The following JAKMIP1 variants were observed in gnomAD, a reference collection of about 807,000 sequenced individuals.
JAKMIP1 encodes janus kinase and microtubule interacting protein 1, also known as janus kinase and microtubule-interacting protein 1.
Under a neutral mutation model 113.0 loss-of-function variants are expected in JAKMIP1, and 33 were observed. The ratio of observed to expected loss-of-function variants is 0.29; its 90% CI spans 0.22 to 0.39. The LOEUF is 0.39. JAKMIP1 is among the 10% of genes least tolerant of loss of function. JAKMIP1 has a pLI of 1.00. For synonymous variants in JAKMIP1, 480 were observed against 459.9 expected (o/e 1.04, Z -0.56); for missense variants, 813 against 1,080.5 (o/e 0.75, Z 3.47).
At chr4:6,191,596 C>G (rs891194123) in intron 1 of JAKMIP1, among the ~76,000 whole-genome samples, 1 of 152,180 alleles carries the variant, frequency 6.6e-6, no homozygotes, top group Non-Finnish European at 1.5e-5. Flanking sequence ...ATTTCATTAA[C>G]TTGCCTGAGG....
chr4:6,192,529 TA>T lies in JAKMIP1; in HGVS notation c.-148+7723del, dbSNP rs1727389992. On this transcript the variant is annotated intron_variant, in intron 1 of 20. Coordinates refer to ENST00000409021, the MANE Select transcript of JAKMIP1 (RefSeq NM_001099433.2). This position sits in a 1 kb window ranked among gnomAD's most constrained non-coding sequence, Gnocchi z 5.0. ...TACATCCAAAACCAACCCCAAGAGA[TA>T]GGGACATTCTCTTTATTTCACAAAA... 6.6e-6 allele frequency among the ~76,000 whole-genome samples: 1 copy of T among 152,018 alleles called. No homozygotes were observed. Among genetic ancestry groups the T allele is most frequent in the Non-Finnish European group, 1.5e-5 (1 of 68,006 alleles).
In JAKMIP1 at chr4:6,093,080, ACCTTTGCCAGTGTTT is replaced by A. The variant is rs1371984174; in HGVS notation, c.625-7466_625-7452del. Among the ~76,000 whole-genome samples, 2 of 152,110 alleles carry A rather than the reference ACCTTTGCCAGTGTTT, an allele frequency of 1.3e-5. No homozygotes were observed. Among genetic ancestry groups the A allele is most frequent in the Non-Finnish European group, 2.9e-5 (2 of 68,022 alleles). ...TCACATCATGCCCCATTACTTCCAA[ACCTTTGCCAGTGTTT>A]CTCCCTCTGCATAGGATCACCTAAC... On this transcript the variant is annotated intron_variant, in intron 3 of 20. Transcript: ENST00000409021. The surrounding 1 kb of genome is among the most constrained non-coding windows in gnomAD (Gnocchi z 4.6).
chr4:6,131,066 G>GT (rs1212117456), intron 1 of JAKMIP1, among the ~76,000 whole-genome samples: 2 of 149,046 alleles, frequency 1.3e-5, no homozygotes, highest in East Asian at 4.0e-4. Context: ...CTCAGCTGAA[G>GT]TGGGAGGATC....
Position 6,165,569 on chromosome 4 carries a change from G to A in JAKMIP1, c.-148+34684C>T, listed in dbSNP as rs141796714. On this transcript the variant is annotated intron_variant, in intron 1 of 20. Coordinates refer to ENST00000409021, the MANE Select transcript of JAKMIP1 (RefSeq NM_001099433.2). ...TGCCACTTCAGCCTCCCAAAGTGCT[G>A]GGATTACAGGCATGAGCCATCGCGC... 2.6e-3 allele frequency among the ~76,000 whole-genome samples: 400 copies of A among 152,310 alleles called. 2 individuals carry two copies. Among genetic ancestry groups the A allele is most frequent in the African/African-American group, 9.2e-3 (382 of 41,566 alleles).
In JAKMIP1 at chr4:6,027,929, T is replaced by G. The variant is rs373321689; in HGVS notation, c.2446-1651A>C. Among the ~76,000 whole-genome samples the G allele has an allele frequency of 5.9e-5, 9 of 152,336 alleles. No individual in the cohort carries two copies. In the East Asian group the frequency reaches 9.7e-4, roughly 16 times the overall value. ...TACCAACACAAGTGGTAGAGCTACC[T>G]GGGAGATGGGAAGAACCGGTGCTGC... is the stretch of plus-strand genomic sequence containing the variant. On this transcript the variant is annotated intron_variant, in intron 20 of 20. Transcript: ENST00000409021.
At chr4:6,096,411 C>G (rs977180372) in intron 3 of JAKMIP1, among the ~76,000 whole-genome samples, 2 of 152,128 alleles carry the variant, frequency 1.3e-5, no homozygotes, top group Non-Finnish European at 2.9e-5. Context: ...GGATGTTAAC[C>G]CTCTGCCACA....
intron 19 of JAKMIP1, among the ~76,000 whole-genome samples, chr4:6,033,082 CA>C (rs112957928): frequency 1.2e-4 from 19 of 152,340 alleles, no homozygotes; most frequent in African/African-American, 4.3e-4. Context: ...GAACCTTTTA[CA>C]AAAGTGCAGA....
In JAKMIP1 at chr4:6,167,367, A is replaced by G. The variant is rs1373435348; in HGVS notation, c.-148+32886T>C. Among the ~76,000 whole-genome samples the G allele has an allele frequency of 6.8e-6, 1 of 147,750 alleles. No homozygotes were observed. The highest frequency in any genetic ancestry group is 2.1e-4 in the East Asian group (1 of 4,768). On this transcript the variant is annotated intron_variant, in intron 1 of 20. Transcript: ENST00000409021. The surrounding 1 kb of genome is among the most constrained non-coding windows in gnomAD (Gnocchi z 5.3). ...AGCCTCCTCTGCTCTGGCCTGGACC[A>G]CTCCAGCCACCTCCTCACTCACCAC...
chr4:6,096,125 G>A (rs7655824), intron 3 of JAKMIP1, among the ~76,000 whole-genome samples: 32,905 of 152,088 alleles, frequency 0.22, 4,859 homozygotes, highest in African/African-American at 0.42. Flanking sequence ...GCCTGTGCAA[G>A]GGCCCTGGGG....
Position 6,170,834 on chromosome 4 carries a change from A to T in JAKMIP1, c.-148+29419T>A, listed in dbSNP as rs1724517227. 8.0e-5 allele frequency among the ~76,000 whole-genome samples: 7 copies of T among 87,210 alleles called. No individual in the cohort carries two copies. The East Asian group carries it at 1.2e-3, about 15-fold the overall frequency. The allele number at this position is 87,210 out of a possible 152,430, so 57.2% of individuals were successfully genotyped here. ...ATCACCACCATCCCAGAACCACCAC[A>T]CCACCACCACCATCCCCATCACCAT... On this transcript the variant is annotated intron_variant, in intron 1 of 20. Coordinates refer to ENST00000409021, the MANE Select transcript of JAKMIP1 (RefSeq NM_001099433.2).
At chr4:6,191,940 T>TATTTATTTATTC (rs1553866676) in intron 1 of JAKMIP1, among the ~76,000 whole-genome samples, 21 of 151,590 alleles carry the variant, frequency 1.4e-4, no homozygotes, top group African/African-American at 5.1e-4. Flanking sequence ...TTTATTTATT[T>TATTTATTTATTC]ATTTATTTTG....
chr4:6,155,340 T>C lies in JAKMIP1; in HGVS notation c.-147-42343A>G, dbSNP rs1722103794. On this transcript the variant is annotated intron_variant, in intron 1 of 20. Transcript: ENST00000409021. The surrounding 1 kb of genome is among the most constrained non-coding windows in gnomAD (Gnocchi z 6.1). ...GCGAATGTTTACCCAGCCCTTATCC[T>C]GCGTCAGCTCTGCTCCAAGCACTTT... Among the ~76,000 whole-genome samples the C allele has an allele frequency of 6.6e-6, 1 of 152,100 alleles. No homozygotes were observed. The highest frequency in any genetic ancestry group is 2.4e-5 in the African/African-American group (1 of 41,422).
intron 16 of JAKMIP1, among the ~76,000 whole-genome samples, chr4:6,047,554 T>C (rs752615903): frequency 2.0e-5 from 3 of 152,180 alleles, no homozygotes; most frequent in African/African-American, 2.4e-5. Context: ...TTAGTGATGA[T>C]AGGAACAGGA....
chr4:6,072,528 C>T (rs937136225), intron 8 of JAKMIP1, among the ~76,000 whole-genome samples: 1 of 152,182 alleles, frequency 6.6e-6, no homozygotes, highest in Admixed American at 6.5e-5. Context: ...GCCCTCGCCC[C>T]TCCCAGCAAA....
Position 6,179,046 on chromosome 4 carries a change from A to C in JAKMIP1, c.-148+21207T>G, listed in dbSNP as rs937224108. On this transcript the variant is annotated intron_variant, in intron 1 of 20. Coordinates refer to ENST00000409021, the MANE Select transcript of JAKMIP1 (RefSeq NM_001099433.2). The surrounding 1 kb of genome is among the most constrained non-coding windows in gnomAD (Gnocchi z 4.5). ...TGGTATAGCATATTCCCAGGAAAAA[A>C]TAAAACTGGGCTATATGTCCAGAGA... Among the ~76,000 whole-genome samples, 3 of 152,264 alleles carry C rather than the reference A, an allele frequency of 2.0e-5. No homozygotes were observed. Among genetic ancestry groups the C allele is most frequent in the African/African-American group, 7.2e-5 (3 of 41,460 alleles).
chr4:6,173,830 C>G (rs1474784564), intron 1 of JAKMIP1, among the ~76,000 whole-genome samples: 1 of 152,168 alleles, frequency 6.6e-6, no homozygotes, highest in Non-Finnish European at 1.5e-5. Context: ...AATCCCAGCA[C>G]TTCGGGAGGC....
intron 8 of JAKMIP1, 67 bp downstream of exon 8, chr4:6,078,872 G>T: frequency 6.6e-7 from 1 of 1,522,004 alleles, no homozygotes; most frequent in South Asian, 1.1e-5. Flanking sequence ...CCCACTCCAC[G>T]ACCCATCTGC....
chr4:6,069,377 C>A lies in JAKMIP1; in HGVS notation c.1303-4369G>T, dbSNP rs1359721894. On this transcript the variant is annotated intron_variant, in intron 8 of 20. Coordinates refer to ENST00000409021, the MANE Select transcript of JAKMIP1 (RefSeq NM_001099433.2). The surrounding 1 kb of genome is among the most constrained non-coding windows in gnomAD (Gnocchi z 4.5). ...CATCTACTGAATAAAAAGGTAATTC[C>A]TCTAGCCTTCCATGTTCCTTGCAAC... Among the ~76,000 whole-genome samples, 1 of 152,148 alleles carries A rather than the reference C, an allele frequency of 6.6e-6. No homozygotes were observed. The highest frequency in any genetic ancestry group is 2.1e-4 in the South Asian group (1 of 4,822).
chr4:6,080,646 C>A lies in JAKMIP1; in HGVS notation c.1102-334G>T, dbSNP rs4689331. The stretch of plus-strand genomic sequence containing the variant: ...TTGGCTCTCAGTCTGTCTTGTCTGC[C>A]GCCAAGTAAGATGTGCCTTTAGCTT... On this transcript the variant is annotated intron_variant, in intron 6 of 20. Transcript: ENST00000409021. This position sits in a 1 kb window ranked among gnomAD's most constrained non-coding sequence, Gnocchi z 6.0. 6.6e-6 allele frequency among the ~76,000 whole-genome samples: 1 copy of A among 152,316 alleles called. No homozygotes were observed. The highest frequency in any genetic ancestry group is 6.5e-5 in the Admixed American group (1 of 15,302).
Sources: allele counts gnomAD v4.1 joint callset (sites outside exome capture counted in the v4.1 genomes callset), GRCh38; gene constraint gnomAD v4.1.1; non-coding constraint Gnocchi (gnomAD v3.1); transcripts MANE v1.5; gene names NCBI Gene and HGNC (gene_info 2026-07-23, HGNC 2026-07-21).